XXYLT1: variants seen among roughly 807,000 people sequenced by gnomAD.
XXYLT1 encodes the protein xyloside xylosyltransferase 1, also known as UDP-xylose:alpha-xyloside alpha-1,3-xylosyltransferase.
Under a neutral mutation model 28.9 loss-of-function variants are expected in XXYLT1, and 20 were observed. The ratio of observed to expected loss-of-function variants is 0.69; its 90% CI spans 0.49 to 1.00. The LOEUF (loss-of-function observed/expected upper bound fraction) is 1.00. XXYLT1 is among the 50% of genes least tolerant of loss of function. XXYLT1 has a pLI of 0.00. For missense variants in XXYLT1, 542 were observed against 560.1 expected, an observed-to-expected ratio of 0.97 and a Z score of 0.33; for synonymous variants, 257 against 253.8, an observed-to-expected ratio of 1.01 and a Z score of -0.12.
At chr3:195,075,547 G>A (rs915086115) in intron 3 of XXYLT1, among the ~76,000 whole-genome samples, 2 of 152,234 alleles carry the variant, frequency 1.3e-5, no homozygotes, top group Non-Finnish European at 2.9e-5. Flanking sequence ...GTGGTGAGGC[G>A]AGGCAGCACC....
chr3:195,195,349 C>T lies in XXYLT1; in HGVS notation c.652+31360G>A, dbSNP rs1042544290. Among the ~76,000 whole-genome samples, 1 of 152,146 alleles carries T rather than the reference C, an allele frequency of 6.6e-6. No homozygotes were observed. The highest frequency in any genetic ancestry group is 1.5e-5 in the Non-Finnish European group (1 of 68,028). On this transcript the variant is annotated intron_variant, in intron 2 of 3. Coordinates refer to ENST00000310380, the MANE Select transcript of XXYLT1 (RefSeq NM_152531.5). The surrounding 1 kb of genome is among the most constrained non-coding windows in gnomAD (Gnocchi z 4.4). ...CATTGCTATTACCAGCAAGACATGC[C>T]TGGCTTGAAGTGCTCTGAGAAGGTG...
chr3:195,160,729 C>A (rs1027899603), intron 2 of XXYLT1, among the ~76,000 whole-genome samples: 1 of 152,198 alleles, frequency 6.6e-6, no homozygotes, highest in Non-Finnish European at 1.5e-5. Flanking sequence ...GGCACGGTCC[C>A]CCTGTGCTCC....
chr3:195,069,614 G>A lies in XXYLT1; in HGVS notation c.*101C>T, dbSNP rs374063898. ...CACCTTAATCACAGGACTTCCCTGC[G>A]GTGTCTCTCTAGCGGGTCAGACACT... On this transcript the variant is annotated 3_prime_UTR_variant, in exon 4 of 4. Coordinates refer to ENST00000310380, the MANE Select transcript of XXYLT1 (RefSeq NM_152531.5). 3.4e-5 allele frequency: 49 copies of A among 1,460,798 alleles called. No individual in the cohort carries two copies. Among genetic ancestry groups the A allele is most frequent in the South Asian group, 8.0e-5 (6 of 74,552 alleles). The allele number at this position is 1,460,798 out of a possible 1,614,324, so 90.5% of individuals were successfully genotyped here.
At chr3:195,135,363 C>T (rs1410369994) in intron 3 of XXYLT1, among the ~76,000 whole-genome samples, 2 of 152,152 alleles carry the variant, frequency 1.3e-5, no homozygotes, top group Admixed American at 6.5e-5. Flanking sequence ...GGACTGGACC[C>T]GAGGCACCTG....
At chr3:195,202,803 T>C (rs558248909) in intron 2 of XXYLT1, among the ~76,000 whole-genome samples, 3 of 152,356 alleles carry the variant, frequency 2.0e-5, no homozygotes, top group South Asian at 4.1e-4. Flanking sequence ...TCAGAGAAGA[T>C]AGTAGGCCAT....
intron 3 of XXYLT1, among the ~76,000 whole-genome samples, chr3:195,111,682 A>G (rs964398437): frequency 6.6e-6 from 1 of 152,178 alleles, no homozygotes; most frequent in Non-Finnish European, 1.5e-5. Context: ...TACCACTGGT[A>G]CTGACTCGTG....
intron 2 of XXYLT1, among the ~76,000 whole-genome samples, chr3:195,213,332 T>C (rs1723415738): frequency 6.6e-6 from 1 of 151,740 alleles, no homozygotes; most frequent in African/African-American, 2.4e-5. Context: ...TGGCACAATC[T>C]TGGCTCACCG....
At chr3:195,162,242 G>T (rs768494963) in intron 2 of XXYLT1, among the ~76,000 whole-genome samples, 1 of 152,168 alleles carries the variant, frequency 6.6e-6, no homozygotes, top group Non-Finnish European at 1.5e-5. Flanking sequence ...TGCCCATGCT[G>T]CCCTGCCTTC....
rs1715278642 is a variant in XXYLT1 at position 195,078,992 on chromosome 3, C to T, written c.786-8881G>A. The stretch of plus-strand genomic sequence containing the variant: ...TCCAGTGATGGGAACTGAGATCCCT[C>T]TCTGGCGGCAACGTCCTGACCCACC... On this transcript the variant is annotated intron_variant, in intron 3 of 3. Transcript: ENST00000310380. This position sits in a 1 kb window ranked among gnomAD's most constrained non-coding sequence, Gnocchi z 5.0. Among the ~76,000 whole-genome samples, 1 of 152,216 alleles carries T rather than the reference C, an allele frequency of 6.6e-6. No homozygotes were observed. The highest frequency in any genetic ancestry group is 1.5e-5 in the Non-Finnish European group (1 of 68,038).
At chr3:195,149,465 G>A (rs1454717583) in intron 3 of XXYLT1, among the ~76,000 whole-genome samples, 1 of 152,204 alleles carries the variant, frequency 6.6e-6, no homozygotes, top group Non-Finnish European at 1.5e-5. Flanking sequence ...CTGGAAGCAA[G>A]CAAAGGGCCA....
intron 3 of XXYLT1, among the ~76,000 whole-genome samples, chr3:195,151,879 A>AAGGGAGGG (rs1216826909): frequency 3.6e-5 from 5 of 140,720 alleles, no homozygotes; most frequent in Non-Finnish European, 7.8e-5. Flanking sequence ...AGTGAAGATT[A>AAGGGAGGG]AGGGAGGGAG....
At chr3:195,206,704 G>A (rs1197967882) in intron 2 of XXYLT1, among the ~76,000 whole-genome samples, 8 of 151,886 alleles carry the variant, frequency 5.3e-5, no homozygotes, top group Admixed American at 5.2e-4. Context: ...GGAAGGCAGA[G>A]GTTGCAGTGA....
intron 2 of XXYLT1, among the ~76,000 whole-genome samples, chr3:195,196,429 T>C (rs1267661881): frequency 6.6e-6 from 1 of 152,198 alleles, no homozygotes; most frequent in Non-Finnish European, 1.5e-5. Context: ...GCATCACTAC[T>C]GGGCCAACAA....
intron 1 of XXYLT1, among the ~76,000 whole-genome samples, chr3:195,229,834 T>A (rs1037735161): frequency 1.3e-5 from 2 of 152,252 alleles, no homozygotes; most frequent in Non-Finnish European, 2.9e-5. Context: ...TTGTGAATAG[T>A]GCTGCAATAA....
intron 3 of XXYLT1, chr3:195,093,645 C>T (rs1014971720): frequency 1.3e-5 from 2 of 151,136 alleles, no homozygotes; most frequent in East Asian, 3.9e-4. Flanking sequence ...CTAACCTGCA[C>T]AATGTGCACA....
intron 1 of XXYLT1, chr3:195,260,181 CG>C (rs1409397855): frequency 6.6e-6 from 1 of 150,830 alleles, no homozygotes; most frequent in African/African-American, 2.4e-5. Context: ...GGCCGGGGGT[CG>C]GGCGCGCAGA....
At chr3:195,071,089 G>A (rs1369427146) in intron 3 of XXYLT1, among the ~76,000 whole-genome samples, 2 of 152,218 alleles carry the variant, frequency 1.3e-5, no homozygotes, top group Non-Finnish European at 2.9e-5. Flanking sequence ...TGCAAGGGGT[G>A]TGCAGGTGGA....
chr3:195,207,396 C>A, intron 2 of XXYLT1: 1 of 448,098 alleles, frequency 2.2e-6, no homozygotes, highest in Non-Finnish European at 4.5e-6. Context: ...TCTCAGGCAA[C>A]AGGAAAACAG....
intron 2 of XXYLT1, among the ~76,000 whole-genome samples, chr3:195,208,481 A>T (rs1294065080): frequency 1.3e-5 from 2 of 151,568 alleles, no homozygotes; most frequent in South Asian, 2.1e-4. Flanking sequence ...TGGACCAACC[A>T]CAACAAAAAA....
Sources: gnomAD v4.1 joint callset for allele counts (sites outside exome capture counted in the v4.1 genomes callset) on GRCh38, gnomAD v4.1.1 for gene constraint, Gnocchi (gnomAD v3.1) non-coding constraint, MANE v1.5 for transcripts, NCBI Gene and HGNC (gene_info 2026-07-23, HGNC 2026-07-21) for gene names.